Variants in NR2F1-AS1 observed in about 807,000 individuals in gnomAD.
The protein encoded by NR2F1-AS1 is NR2F1 regulatory antisense RNA 1.
chr5:93,463,434 G>C (rs1298369029), intron 4 of NR2F1-AS1, among the ~76,000 whole-genome samples: 1 of 152,202 alleles, frequency 6.6e-6, no homozygotes, highest in Non-Finnish European at 1.5e-5. Flanking sequence ...GAGAACCTCT[G>C]CTTGGGCAGT....
At chr5:93,542,709 G>A (rs1012961659) in intron 4 of NR2F1-AS1, 6 of 152,104 alleles carry the variant, frequency 3.9e-5, no homozygotes, top group African/African-American at 7.2e-5. Context: ...GAAGAATATC[G>A]AACACCTAAG....
At chr5:93,511,039 A>G (rs1474513750) in intron 4 of NR2F1-AS1, among the ~76,000 whole-genome samples, 2 of 152,190 alleles carry the variant, frequency 1.3e-5, no homozygotes, top group Non-Finnish European at 2.9e-5. Context: ...CCTTTCATAA[A>G]ATATACATAC....
At chr5:93,427,769 A>G (rs1415020263) in intron 4 of NR2F1-AS1, among the ~76,000 whole-genome samples, 1 of 152,154 alleles carries the variant, frequency 6.6e-6, no homozygotes, top group African/African-American at 2.4e-5. Context: ...AAAATACTAA[A>G]CCATAAAGGA....
upstream of NR2F1-AS1, chr5:93,583,192 T>C (rs542980246): frequency 7.2e-5 from 11 of 152,346 alleles, no homozygotes; most frequent in African/African-American, 2.4e-4. Flanking sequence ...AAGTTCACTA[T>C]ATACAGACAT....
intron 4 of NR2F1-AS1, among the ~76,000 whole-genome samples, chr5:93,497,296 T>C (rs1214895835): frequency 6.6e-6 from 1 of 152,178 alleles, no homozygotes; most frequent in Non-Finnish European, 1.5e-5. Context: ...ACGCTGTGTT[T>C]GTTTAAGTTG....
At chr5:93,477,802 T>C (rs1561458489) in intron 4 of NR2F1-AS1, among the ~76,000 whole-genome samples, 1 of 152,200 alleles carries the variant, frequency 6.6e-6, no homozygotes. Flanking sequence ...AAAATCATCT[T>C]AAGTGGAACT....
intron 4 of NR2F1-AS1, among the ~76,000 whole-genome samples, chr5:93,415,566 A>G (rs1748950971): frequency 6.6e-6 from 1 of 152,202 alleles, no homozygotes; most frequent in South Asian, 2.1e-4. Context: ...CTGACTTGTG[A>G]ATTTATTTTT....
At chr5:93,578,331 G>A (rs1409207418) in intron 1 of NR2F1-AS1, among the ~76,000 whole-genome samples, 1 of 152,174 alleles carries the variant, frequency 6.6e-6, no homozygotes, top group Non-Finnish European at 1.5e-5. Context: ...CTAGCAGCCC[G>A]CAAGGGGTAC....
At chr5:93,544,388 T>C (rs1186682374) in intron 4 of NR2F1-AS1, among the ~76,000 whole-genome samples, 1 of 152,160 alleles carries the variant, frequency 6.6e-6, no homozygotes, top group Non-Finnish European at 1.5e-5. Context: ...ATGGATTCTA[T>C]TATGCCATAG....
chr5:93,490,831 G>GTGC (rs1750823750), intron 4 of NR2F1-AS1, among the ~76,000 whole-genome samples: 2 of 150,516 alleles, frequency 1.3e-5, no homozygotes, highest in Non-Finnish European at 3.0e-5. Flanking sequence ...TATGGTAGTG[G>GTGC]TGGTGGTGGT....
At chr5:93,418,460 G>A (rs973284280) in intron 4 of NR2F1-AS1, among the ~76,000 whole-genome samples, 29 of 151,994 alleles carry the variant, frequency 1.9e-4, no homozygotes, top group Non-Finnish European at 3.4e-4. Flanking sequence ...GGTGGCATGC[G>A]CCTGTAGTCT....
At chr5:93,486,207 T>C (rs1183074794) in intron 4 of NR2F1-AS1, among the ~76,000 whole-genome samples, 1 of 149,734 alleles carries the variant, frequency 6.7e-6, no homozygotes, top group Non-Finnish European at 1.5e-5. Context: ...GGCACATGTA[T>C]ACATATGTAA....
intron 4 of NR2F1-AS1, among the ~76,000 whole-genome samples, chr5:93,494,576 C>T (rs1396087358): frequency 3.3e-5 from 5 of 152,148 alleles, no homozygotes; most frequent in African/African-American, 9.7e-5. Flanking sequence ...AATCACGCCA[C>T]TGCACTCCAG....
At chr5:93,508,688 A>G (rs12654945) in intron 4 of NR2F1-AS1, among the ~76,000 whole-genome samples, 1 of 152,108 alleles carries the variant, frequency 6.6e-6, no homozygotes, top group African/African-American at 2.4e-5. Flanking sequence ...GTACAAGTTT[A>G]CAATGCATAT....
At chr5:93,421,195 G>A (rs974331479) in intron 4 of NR2F1-AS1, among the ~76,000 whole-genome samples, 3 of 152,120 alleles carry the variant, frequency 2.0e-5, no homozygotes, top group Non-Finnish European at 1.5e-5. Context: ...GGATTGGTGG[G>A]AAGATTCCTA....
intron 1 of NR2F1-AS1, among the ~76,000 whole-genome samples, chr5:93,576,396 T>A (rs1752895184): frequency 6.6e-6 from 1 of 151,954 alleles, no homozygotes; most frequent in Non-Finnish European, 1.5e-5. Flanking sequence ...TTTACTGTTC[T>A]ATTGCTTATA....
chr5:93,485,013 T>G (rs1186265692), intron 4 of NR2F1-AS1, among the ~76,000 whole-genome samples: 4 of 152,134 alleles, frequency 2.6e-5, no homozygotes, highest in African/African-American at 9.7e-5. Flanking sequence ...ACAATAATAC[T>G]GGGAGACTTT....
intron 4 of NR2F1-AS1, among the ~76,000 whole-genome samples, chr5:93,549,528 G>GAAA (rs1013323933): frequency 1.9e-4 from 29 of 152,196 alleles, no homozygotes; most frequent in African/African-American, 6.5e-4. Flanking sequence ...CTGCCTTCAT[G>GAAA]AGAAACACAG....
At chr5:93,530,053 C>T (rs1191667187) in intron 4 of NR2F1-AS1, among the ~76,000 whole-genome samples, 6 of 150,678 alleles carry the variant, frequency 4.0e-5, no homozygotes, top group African/African-American at 1.5e-4. Context: ...AGAGGGCCTG[C>T]CTCCCACCTA....
Sources: allele counts gnomAD v4.1 joint callset (sites outside exome capture counted in the v4.1 genomes callset), GRCh38; gene constraint gnomAD v4.1.1; transcripts MANE v1.5; gene names NCBI Gene and HGNC (gene_info 2026-07-23, HGNC 2026-07-21).